Variants in KCNQ5 observed in about 807,000 individuals in gnomAD.
KCNQ5 encodes the protein potassium voltage-gated channel subfamily Q member 5, also known as potassium voltage-gated channel subfamily KQT member 5.
A neutral mutation model predicts 98.2 loss-of-function variants in KCNQ5; 30 were observed. That is an observed-to-expected ratio of 0.31 (90% CI 0.23 to 0.41). KCNQ5 has a LOEUF of 0.41. KCNQ5 is among the 10% of genes least tolerant of loss of function. The probability of loss-of-function intolerance (pLI) is 1.00; values close to 1 mark genes in which losing one functional copy is unlikely to be tolerated. For missense variants in KCNQ5, 835 were observed against 1,182.5 expected (o/e 0.71, Z 4.31); for synonymous variants, 458 against 449.4 (o/e 1.02, Z -0.24).
At chr6:72,715,714 A>G (rs937355853) in intron 1 of KCNQ5, among the ~76,000 whole-genome samples, 1 of 152,198 alleles carries the variant, frequency 6.6e-6, no homozygotes, top group African/African-American at 2.4e-5. Flanking sequence ...AAGTATCTTA[A>G]GATAATATTT....
intron 1 of KCNQ5, among the ~76,000 whole-genome samples, chr6:72,641,668 T>C (rs930444381): frequency 1.3e-5 from 2 of 152,148 alleles, no homozygotes; most frequent in African/African-American, 4.8e-5. Context: ...CATATTTGTC[T>C]ATATTAATAT....
chr6:73,193,363 C>T (rs569237125), intron 13 of KCNQ5, among the ~76,000 whole-genome samples: 58 of 151,520 alleles, frequency 3.8e-4, no homozygotes, highest in Non-Finnish European at 7.5e-4. Flanking sequence ...TGTGGTGGCT[C>T]ATGCCTGTAG....
At chr6:72,663,210 A>G (rs1766618128) in intron 1 of KCNQ5, among the ~76,000 whole-genome samples, 1 of 152,110 alleles carries the variant, frequency 6.6e-6, no homozygotes, top group South Asian at 2.1e-4. Context: ...GCAAACCACC[A>G]TGGCACGTGT....
intron 1 of KCNQ5, chr6:72,987,689 C>A: frequency 1.7e-6 from 1 of 592,240 alleles, no homozygotes. Flanking sequence ...TTCTCCACCG[C>A]CCCCAACAAG....
chr6:72,996,409 C>T (rs755903323), intron 1 of KCNQ5, among the ~76,000 whole-genome samples: 1 of 152,158 alleles, frequency 6.6e-6, no homozygotes, highest in Non-Finnish European at 1.5e-5. Flanking sequence ...AAATTTCTCA[C>T]AGGATGCCTC....
intron 1 of KCNQ5, among the ~76,000 whole-genome samples, chr6:72,857,868 C>T (rs531376030): frequency 6.6e-6 from 1 of 152,300 alleles, no homozygotes; most frequent in Non-Finnish European, 1.5e-5. Context: ...AAAGTATGTT[C>T]ACTAATTTAC....
At chr6:72,797,319 A>G (rs1454182228) in intron 1 of KCNQ5, among the ~76,000 whole-genome samples, 1 of 151,954 alleles carries the variant, frequency 6.6e-6, no homozygotes, top group Admixed American at 6.6e-5. Flanking sequence ...GCCTGGGAAC[A>G]TGGCAAAAAC....
chr6:72,934,152 G>A (rs1765802565), intron 1 of KCNQ5, among the ~76,000 whole-genome samples: 1 of 152,154 alleles, frequency 6.6e-6, no homozygotes, highest in Non-Finnish European at 1.5e-5. Context: ...TTGAGTTACG[G>A]GGTTTCTCTG....
chr6:72,919,612 A>G (rs1291476532), intron 1 of KCNQ5, among the ~76,000 whole-genome samples: 1 of 152,190 alleles, frequency 6.6e-6, no homozygotes, highest in Non-Finnish European at 1.5e-5. Flanking sequence ...CATCTGGCTC[A>G]CAGTCTATGC....
intron 1 of KCNQ5, among the ~76,000 whole-genome samples, chr6:72,970,835 T>C (rs1483415043): frequency 1.3e-5 from 2 of 152,254 alleles, no homozygotes; most frequent in East Asian, 1.9e-4. Context: ...TTACACCTTA[T>C]ACAAAAATTA....
At chr6:72,726,059 T>A (rs1770246976) in intron 1 of KCNQ5, among the ~76,000 whole-genome samples, 1 of 151,524 alleles carries the variant, frequency 6.6e-6, no homozygotes, top group Non-Finnish European at 1.5e-5. Flanking sequence ...TTATTATGTA[T>A]AAACATCCTC....
Position 73,111,413 on chromosome 6 carries a change from A to G in KCNQ5, c.1125+10A>G. On this transcript the variant is annotated intron_variant, in intron 7 of 13. Transcript: ENST00000370398. ...TGCCAACCTCATTCAGGTAAATGTCAATGTAATAGGTAGATGGCAACATTT... is the reference window on the plus strand; with the variant it reads ...TGCCAACCTCATTCAGGTAAATGTCGATGTAATAGGTAGATGGCAACATTT... 1 of 1,575,208 alleles carries G rather than the reference A, an allele frequency of 6.3e-7. No individual in the cohort carries two copies. The highest frequency in any genetic ancestry group is 8.7e-7 in the Non-Finnish European group (1 of 1,151,422).
intron 3 of KCNQ5, among the ~76,000 whole-genome samples, chr6:73,067,389 C>T (rs1273521047): frequency 6.6e-6 from 1 of 151,888 alleles, no homozygotes; most frequent in Non-Finnish European, 1.5e-5. Context: ...TGAGAGTTAA[C>T]ATGATACCAG....
At chr6:73,149,967 C>T (rs1189135861) in intron 10 of KCNQ5, among the ~76,000 whole-genome samples, 2 of 150,122 alleles carry the variant, frequency 1.3e-5, no homozygotes, top group African/African-American at 4.9e-5. Flanking sequence ...AATGACATAT[C>T]TGATTAGAAT....
chr6:72,918,174 C>T (rs1257191669), intron 1 of KCNQ5, among the ~76,000 whole-genome samples: 1 of 152,042 alleles, frequency 6.6e-6, no homozygotes, highest in East Asian at 1.9e-4. Flanking sequence ...AAAACGTGGC[C>T]TCTTGGGAAC....
intron 1 of KCNQ5, among the ~76,000 whole-genome samples, chr6:72,885,195 C>T (rs537844467): frequency 8.5e-5 from 13 of 152,260 alleles, no homozygotes; most frequent in East Asian, 1.9e-4. Context: ...AGTGCAGGGA[C>T]GATTTCAATT....
chr6:72,761,471 G>A (rs1026406848), intron 1 of KCNQ5, among the ~76,000 whole-genome samples: 2 of 151,362 alleles, frequency 1.3e-5, no homozygotes, highest in African/African-American at 2.4e-5. Context: ...CTAATAATGC[G>A]TTTTCTAAAC....
chr6:72,921,825 G>C (rs1241840972), intron 1 of KCNQ5, among the ~76,000 whole-genome samples: 1 of 152,102 alleles, frequency 6.6e-6, no homozygotes, highest in African/African-American at 2.4e-5. Context: ...AACAAAGCTG[G>C]GTGTCAGTAA....
intron 1 of KCNQ5, among the ~76,000 whole-genome samples, chr6:73,001,597 AC>A (rs376886470): frequency 4.1e-4 from 63 of 152,230 alleles, no homozygotes; most frequent in African/African-American, 1.4e-3. Context: ...TTTCTGGGAA[AC>A]CTGGACTTGG....
Sources: allele counts gnomAD v4.1 joint callset (sites outside exome capture counted in the v4.1 genomes callset), GRCh38; gene constraint gnomAD v4.1.1; transcripts MANE v1.5; gene names NCBI Gene and HGNC (gene_info 2026-07-23, HGNC 2026-07-21).